PCDH1: variants seen among roughly 807,000 people sequenced by gnomAD.
PCDH1 encodes protocadherin 1, also known as protocadherin-1.
A neutral mutation model predicts 74.6 loss-of-function variants in PCDH1; 23 were observed. That is an observed-to-expected ratio of 0.31 (90% CI 0.22 to 0.44). The LOEUF (loss-of-function observed/expected upper bound fraction) is 0.44. Ranked by LOEUF, PCDH1 falls within the 20% of genes least tolerant of loss-of-function variation. The pLI, the probability that PCDH1 is intolerant of heterozygous loss-of-function variation, is 1.00. For synonymous variants in PCDH1, 647 were observed against 686.1 expected, an observed-to-expected ratio of 0.94 and a Z score of 0.89; for missense variants, 1,214 against 1,641.4, an observed-to-expected ratio of 0.74 and a Z score of 4.50.
rs1752830049 is a variant in PCDH1 at position 141,866,257 on chromosome 5, C to T, written c.904-830G>A. ...CGAGGCACCAATGCGAGGAATCCGG[C>T]CTGAGCCTGCAGCCAGGAGGGAGGG... On this transcript the variant is annotated intron_variant, in intron 2 of 4. Coordinates refer to ENST00000287008, the MANE Select transcript of PCDH1 (RefSeq NM_032420.5). The T allele has an allele frequency of 3.0e-6, 3 of 985,136 alleles. No homozygotes were observed. The South Asian group carries it at 1.4e-4, about 46-fold the overall frequency. The allele number at this position is 985,136 out of a possible 1,614,324, so 61.0% of individuals were successfully genotyped here. A position where few individuals can be genotyped will look rare whatever the true frequency, so the allele number is the denominator to read the frequency against.
At chr5:141,857,140 G>A (rs1752380371) in intron 4 of PCDH1, 112 bp downstream of exon 4, 1 of 858,096 alleles carries the variant, frequency 1.2e-6, no homozygotes, top group Non-Finnish European at 1.7e-6. Context: ...GCACGGTGAT[G>A]ATGACTGAGC....
intron 3 of PCDH1, among the ~76,000 whole-genome samples, chr5:141,860,749 G>A (rs62381423): frequency 0.17 from 25,287 of 152,168 alleles, 2,501 homozygotes; most frequent in Non-Finnish European, 0.23. Flanking sequence ...ATCATAAAGA[G>A]TTATGAGCAC....
At chr5:141,862,924 C>A (rs1752623055) in intron 3 of PCDH1, 11 of 1,228,704 alleles carry the variant, frequency 9.0e-6, no homozygotes, top group Middle Eastern at 3.1e-4. Context: ...CACCTGCCTA[C>A]CACCCCCAAC....
chr5:141,863,870 G>C lies in PCDH1; in HGVS notation c.2461C>G (p.Leu821Val), dbSNP rs150197702. The C allele has an allele frequency of 1.2e-6, 2 of 1,614,084 alleles. No individual in the cohort carries two copies. The highest frequency in any genetic ancestry group is 2.7e-5 in the African/African-American group (2 of 74,932). The change falls in exon 3 of 5, where the codon CTG (leucine) becomes GTG (valine). Residue 821 changes from leucine to valine, a missense_variant. Transcript: ENST00000287008. This position sits in a 1 kb window ranked among gnomAD's most constrained non-coding sequence, Gnocchi z 7.5. ...CTGTGGCCCAGGAGGGTCTCCAGCA[G>C]CGTGCGGTTGGCCAGAGTCTCATTG... The part of the protein sequence containing the change: ...YVNETLANRT[L>V]LETLLGHSLD...
At chr5:141,855,183 C>T (rs933415044) in intron 4 of PCDH1, among the ~76,000 whole-genome samples, 7 of 151,920 alleles carry the variant, frequency 4.6e-5, no homozygotes, top group African/African-American at 1.5e-4. Context: ...CCATGTTGCC[C>T]AGGCTGGTCT....
In PCDH1 at chr5:141,854,059, GC is replaced by G; in HGVS notation, c.3696del (p.Lys1232AsnfsTer53). On this transcript the variant is annotated frameshift_variant, in exon 5 of 5. Transcript: ENST00000287008. LOFTEE classifies it high-confidence loss of function. Reference protein sequence around the residue: ...AATPASAQTAKREIYL With the variant: ...AATPASAQTAXREIYL ...TAGGGGGCTCACAGGTAGATCTCGC[GC>G]TTGGCCGTCTGGGCAGATGCCGGTG... 6.6e-7 allele frequency: 1 copy of G among 1,508,328 alleles called. No individual in the cohort carries two copies. The highest frequency in any genetic ancestry group is 2.4e-5 in the East Asian group (1 of 41,448). The allele number at this position is 1,508,328 out of a possible 1,614,324, so 93.4% of individuals were successfully genotyped here.
intron 3 of PCDH1, 118 bp from the exon 4 acceptor site, chr5:141,857,589 A>G (rs1183134382): frequency 1.4e-6 from 1 of 739,196 alleles, no homozygotes; most frequent in Non-Finnish European, 2.2e-6. Flanking sequence ...GCAACCAAGA[A>G]GAGACCCAGG....
chr5:141,856,406 G>C lies in PCDH1; in HGVS notation c.3319+846C>G, dbSNP rs75904398. ...GACAAGGGCCCTGTGCCTGAGGCAGGGGAGTGAAACCTCCCATCTTTTGTG... is the reference window on the plus strand; with the variant it reads ...GACAAGGGCCCTGTGCCTGAGGCAGCGGAGTGAAACCTCCCATCTTTTGTG... On this transcript the variant is annotated intron_variant, in intron 4 of 4. Coordinates refer to ENST00000287008, the MANE Select transcript of PCDH1 (RefSeq NM_032420.5). The C allele has an allele frequency of 1.2e-3, 960 of 804,208 alleles. 10 individuals are homozygous for C. In the African/African-American group the frequency reaches 0.014, roughly 11 times the overall value. The allele number at this position is 804,208 out of a possible 1,614,324, so 49.8% of individuals were successfully genotyped here.
chr5:141,861,074 CAT>C (rs1752543680), intron 3 of PCDH1, among the ~76,000 whole-genome samples: 5 of 131,512 alleles, frequency 3.8e-5, no homozygotes. Context: ...GAGATCGTGC[CAT>C]TGCACTCCAG....
intron 1 of PCDH1, among the ~76,000 whole-genome samples, chr5:141,871,230 T>G (rs190418793): frequency 1.6e-3 from 240 of 152,368 alleles, no homozygotes; most frequent in African/African-American, 5.5e-3. Flanking sequence ...CTGGGTACAC[T>G]GTAGGGACTC....
chr5:141,870,134 A>T (rs1268947536), intron 1 of PCDH1, among the ~76,000 whole-genome samples: 2 of 152,134 alleles, frequency 1.3e-5, no homozygotes, highest in Non-Finnish European at 2.9e-5. Flanking sequence ...CTCCACCCCC[A>T]TAAAAGGCCA....
At chr5:141,858,179 C>T (rs1752431190) in intron 3 of PCDH1, among the ~76,000 whole-genome samples, 1 of 152,182 alleles carries the variant, frequency 6.6e-6, no homozygotes. Context: ...TCCCTGCTGT[C>T]GCCCCTCCCA....
At chr5:141,854,471 C>T in intron 4 of PCDH1, 35 bp from the exon 5 acceptor site, 1 of 1,562,874 alleles carries the variant, frequency 6.4e-7, no homozygotes, top group Non-Finnish European at 8.7e-7. Context: ...AATTGTCAGA[C>T]ATACAGCCTC....
intron 3 of PCDH1, among the ~76,000 whole-genome samples, chr5:141,859,930 C>T (rs1191580673): frequency 6.6e-6 from 1 of 152,206 alleles, no homozygotes; most frequent in Non-Finnish European, 1.5e-5. Flanking sequence ...TACAGTTCTT[C>T]CAGTCTCATC....
At position 141,868,519 on chromosome 5, in the gene PCDH1, C is replaced by T. The variant is rs980878806; in HGVS notation, c.903+50G>A. 4 of 1,512,316 alleles carry T rather than the reference C, an allele frequency of 2.6e-6. No individual in the cohort carries two copies. Among genetic ancestry groups the T allele is most frequent in the Non-Finnish European group, 3.5e-6 (4 of 1,132,326 alleles). The allele number at this position is 1,512,316 out of a possible 1,614,324, so 93.7% of individuals were successfully genotyped here. On this transcript the variant is annotated intron_variant, in intron 2 of 4. Coordinates refer to ENST00000287008, the MANE Select transcript of PCDH1 (RefSeq NM_032420.5). This position sits in a 1 kb window ranked among gnomAD's most constrained non-coding sequence, Gnocchi z 4.8. ...ACTCTCACCTGGTTGGGTGGGCTCC[C>T]ATTTCTAGTGGTGGGTCACCCTGAC...
intron 1 of PCDH1, among the ~76,000 whole-genome samples, chr5:141,871,162 G>A (rs1413938151): frequency 6.6e-6 from 1 of 152,202 alleles, no homozygotes; most frequent in African/African-American, 2.4e-5. Flanking sequence ...ACGAAGGAAG[G>A]GACAGTACTC....
At position 141,863,029 on chromosome 5, in the gene PCDH1, C is replaced by T. The variant is rs1314424095; in HGVS notation, c.3099+203G>A. ...AGGGCAGGGAGGAGACCACAGAGCACACCCTCCCTTAATCTTCACTCAGCC... is the reference window on the plus strand; with the variant it reads ...AGGGCAGGGAGGAGACCACAGAGCATACCCTCCCTTAATCTTCACTCAGCC... On this transcript the variant is annotated intron_variant, in intron 3 of 4. Coordinates refer to ENST00000287008, the MANE Select transcript of PCDH1 (RefSeq NM_032420.5). The surrounding 1 kb of genome is among the most constrained non-coding windows in gnomAD (Gnocchi z 7.5). The T allele has an allele frequency of 3.8e-6, 5 of 1,306,634 alleles. No individual in the cohort carries two copies. The highest frequency in any genetic ancestry group is 4.9e-6 in the Non-Finnish European group (5 of 1,028,562). 80.9% of individuals were successfully genotyped at this position (1,306,634 alleles called of 1,614,324 possible).
chr5:141,857,606 C>T (rs1464798973), intron 3 of PCDH1, 135 bp from the exon 4 acceptor site: 2 of 662,460 alleles, frequency 3.0e-6, no homozygotes, highest in East Asian at 2.8e-5. Flanking sequence ...CAGGCCCCAG[C>T]ACAGCACATT....
At chr5:141,866,220 G>A (rs1272703001) in intron 2 of PCDH1, 2 of 985,388 alleles carry the variant, frequency 2.0e-6, no homozygotes, top group Non-Finnish European at 1.2e-6. Flanking sequence ...CCTCCCGACT[G>A]GCACCGGCTG....
Sources: gnomAD v4.1 joint callset for allele counts (sites outside exome capture counted in the v4.1 genomes callset) on GRCh38, gnomAD v4.1.1 for gene constraint, Gnocchi (gnomAD v3.1) non-coding constraint, MANE v1.5 for transcripts, NCBI Gene and HGNC (gene_info 2026-07-23, HGNC 2026-07-21) for gene names.